Variants in KCNH5 observed in about 807,000 individuals in gnomAD.
KCNH5 encodes the protein potassium voltage-gated channel subfamily H member 5.
KCNH5 carries 46 observed loss-of-function variants against 96.1 expected under a neutral mutation model. That is an observed-to-expected ratio of 0.48 (90% confidence interval 0.38 to 0.61). The LOEUF (loss-of-function observed/expected upper bound fraction) is 0.61, where lower values mean the gene tolerates loss of function less well. Among genes scored for constraint, KCNH5 ranks in the 20% least tolerant of loss-of-function variants. KCNH5 has a pLI of 0.00. For missense variants in KCNH5, 907 were observed against 1,225.8 expected, an observed-to-expected ratio of 0.74 and a Z score of 3.88; for synonymous variants, 439 against 449.8, an observed-to-expected ratio of 0.98 and a Z score of 0.30.
chr14:63,032,379 C>T (rs561580329), intron 1 of KCNH5, among the ~76,000 whole-genome samples: 6 of 152,256 alleles, frequency 3.9e-5, no homozygotes, highest in African/African-American at 1.4e-4. Context: ...GAGGAAGAAT[C>T]AGTGCAGGCA....
chr14:62,918,519 T>A (rs958850811), intron 7 of KCNH5, among the ~76,000 whole-genome samples: 5 of 152,002 alleles, frequency 3.3e-5, no homozygotes, highest in Admixed American at 2.0e-4. Flanking sequence ...TTTAAAAAGA[T>A]CATAAAAGTT....
chr14:62,835,448 T>C (rs1887445653), intron 8 of KCNH5, among the ~76,000 whole-genome samples: 1 of 152,122 alleles, frequency 6.6e-6, no homozygotes, highest in South Asian at 2.1e-4. Context: ...CAAGTACACA[T>C]CTAAGTTCAT....
chr14:62,977,657 T>C (rs996862519), intron 6 of KCNH5, among the ~76,000 whole-genome samples: 4 of 152,198 alleles, frequency 2.6e-5, no homozygotes, highest in South Asian at 2.1e-4. Flanking sequence ...TTTTTTAAAA[T>C]GAAACATTGC....
At chr14:62,865,525 G>A (rs1483290637) in intron 7 of KCNH5, among the ~76,000 whole-genome samples, 4 of 152,056 alleles carry the variant, frequency 2.6e-5, no homozygotes, top group Non-Finnish European at 5.9e-5. Flanking sequence ...AAATGAGGAA[G>A]AATCACAGGA....
At chr14:63,020,516 A>C (rs759153605) in intron 1 of KCNH5, among the ~76,000 whole-genome samples, 4 of 152,170 alleles carry the variant, frequency 2.6e-5, no homozygotes, top group Non-Finnish European at 4.4e-5. Flanking sequence ...AATATGACTC[A>C]AAAACATTAT....
At chr14:63,000,808 C>A (rs183827544) in intron 4 of KCNH5, among the ~76,000 whole-genome samples, 1 of 152,046 alleles carries the variant, frequency 6.6e-6, no homozygotes, top group African/African-American at 2.4e-5. Flanking sequence ...GGTGTATGGC[C>A]CACGTCTGTA....
Position 62,779,869 on chromosome 14 carries a change from T to C in KCNH5, c.1878A>G (p.Ala626=), listed in dbSNP as rs1886172630. The C allele has an allele frequency of 6.2e-7, 1 of 1,613,908 alleles. No homozygotes were observed. Among genetic ancestry groups the C allele is most frequent in the East Asian group, 2.2e-5 (1 of 44,868 alleles). ...ACGTCAGTGCCCGGACGTTCGCACA[T>C]GCATGGGCAAGGGTGGTTTCCTTCC... ...IFWKETTLAH[A]CANVRALTYC... is the part of the protein sequence containing the mutation. Residue 626 remains alanine (A), a synonymous_variant, in exon 10 of 11, where the codon GCA becomes GCG. Coordinates refer to ENST00000322893, the MANE Select transcript of KCNH5 (RefSeq NM_139318.5).
chr14:62,813,928 G>C (rs1886921869), intron 8 of KCNH5, among the ~76,000 whole-genome samples: 1 of 152,148 alleles, frequency 6.6e-6, no homozygotes, highest in African/African-American at 2.4e-5. Flanking sequence ...GTCATGCCAA[G>C]CAAAAGGAAG....
rs528950897 is a variant in KCNH5 at position 62,993,424 on chromosome 14, A to T, written c.434-6237T>A. Among the ~76,000 whole-genome samples, 33 of 152,128 alleles carry T rather than the reference A, an allele frequency of 2.2e-4. 1 individual carries two copies. The East Asian group carries it at 6.2e-3, about 28-fold the overall frequency. On this transcript the variant is annotated intron_variant, in intron 4 of 10. Coordinates refer to ENST00000322893, the MANE Select transcript of KCNH5 (RefSeq NM_139318.5). ...TGGACAAAATGGTCATAGAAATGTGACAGCCTTCAGTTCCCCTTCTCTCCC... is the reference window on the plus strand; with the variant it reads ...TGGACAAAATGGTCATAGAAATGTGTCAGCCTTCAGTTCCCCTTCTCTCCC...
intron 8 of KCNH5, among the ~76,000 whole-genome samples, chr14:62,830,823 AT>A (rs138824758): frequency 0.035 from 5,302 of 152,086 alleles, 268 homozygotes; most frequent in African/African-American, 0.11. Flanking sequence ...ATATTACCAG[AT>A]TTTTTTTCAA....
At chr14:62,981,871 T>C (rs1294883418) in intron 5 of KCNH5, among the ~76,000 whole-genome samples, 1 of 152,180 alleles carries the variant, frequency 6.6e-6, no homozygotes, top group Non-Finnish European at 1.5e-5. Flanking sequence ...GAAAAAAATA[T>C]TAAATACTCA....
intron 4 of KCNH5, among the ~76,000 whole-genome samples, chr14:62,989,688 C>T (rs1405423159): frequency 6.6e-6 from 1 of 152,090 alleles, no homozygotes; most frequent in Non-Finnish European, 1.5e-5. Context: ...ATAATAGCCA[C>T]TCTTGCTAAA....
intron 7 of KCNH5, among the ~76,000 whole-genome samples, chr14:62,932,371 G>A (rs181040441): frequency 2.7e-4 from 41 of 150,654 alleles, no homozygotes; most frequent in African/African-American, 9.5e-4. Context: ...ACGTAGGCAA[G>A]CAGAAACAAA....
chr14:62,811,271 G>GCCATTTTCTTAAA (rs1886868239), intron 8 of KCNH5, among the ~76,000 whole-genome samples: 1 of 152,050 alleles, frequency 6.6e-6, no homozygotes, highest in African/African-American at 2.4e-5. Flanking sequence ...TAAAATATCT[G>GCCATTTTCTTAAA]ATGGCTTGCT....
At chr14:62,817,217 T>G (rs984784284) in intron 8 of KCNH5, among the ~76,000 whole-genome samples, 26 of 136,958 alleles carry the variant, frequency 1.9e-4, no homozygotes, top group Non-Finnish European at 2.9e-4. Context: ...TATTATATAT[T>G]ATATATAATA....
chr14:62,933,044 C>A (rs895856996), intron 7 of KCNH5, among the ~76,000 whole-genome samples: 1 of 152,044 alleles, frequency 6.6e-6, no homozygotes, highest in Non-Finnish European at 1.5e-5. Context: ...CAAAGGGACT[C>A]CTGGAGATCA....
At chr14:62,871,366 A>G (rs1257952110) in intron 7 of KCNH5, among the ~76,000 whole-genome samples, 1 of 152,186 alleles carries the variant, frequency 6.6e-6, no homozygotes, top group African/African-American at 2.4e-5. Context: ...TTCCCAGAGG[A>G]GCAATTTCCA....
At chr14:62,741,274 C>T (rs1206289373) in intron 10 of KCNH5, among the ~76,000 whole-genome samples, 1 of 152,038 alleles carries the variant, frequency 6.6e-6, no homozygotes, top group Admixed American at 6.6e-5. Flanking sequence ...GGATAATTGG[C>T]AATACAAGGG....
intron 9 of KCNH5, among the ~76,000 whole-genome samples, chr14:62,797,884 T>G (rs1028658882): frequency 2.6e-5 from 4 of 151,878 alleles, no homozygotes; most frequent in Non-Finnish European, 4.4e-5. Context: ...ACCCAGGTAA[T>G]TTTTGTATTT....
Sources: allele counts gnomAD v4.1 joint callset (sites outside exome capture counted in the v4.1 genomes callset), GRCh38; gene constraint gnomAD v4.1.1; transcripts MANE v1.5; gene names NCBI Gene and HGNC (gene_info 2026-07-23, HGNC 2026-07-21).